The following TOGARAM2 variants were observed in gnomAD, a reference collection of about 807,000 sequenced individuals.
TOGARAM2 encodes TOG array regulator of axonemal microtubules protein 2.
Under a neutral mutation model 93.3 loss-of-function variants are expected in TOGARAM2, and 85 were observed. That is an observed-to-expected ratio of 0.91 (90% confidence interval 0.76 to 1.09). TOGARAM2 has a LOEUF of 1.09. TOGARAM2 is among the 50% of genes least tolerant of loss of function. The pLI is 0.00. For synonymous variants in TOGARAM2, 593 were observed against 552.8 expected, an observed-to-expected ratio of 1.07 and a Z score of -1.02; for missense variants, 1,277 against 1,334.5, an observed-to-expected ratio of 0.96 and a Z score of 0.67.
At chr2:29,034,836 C>A (rs372756856) in intron 16 of TOGARAM2, among the ~76,000 whole-genome samples, 39 of 152,256 alleles carry the variant, frequency 2.6e-4, no homozygotes, top group African/African-American at 8.9e-4. Context: ...CCTCCAAGGT[C>A]TTTCCCCACT....
chr2:28,978,322 A>G (rs371169941), upstream of TOGARAM2, among the ~76,000 whole-genome samples: 1,181 of 130,254 alleles, frequency 9.1e-3, 15 homozygotes, highest in African/African-American at 0.033. Context: ...ATCCCAGAGC[A>G]AGGGGAGAAG....
In TOGARAM2 at chr2:29,017,963, AG is replaced by A; in HGVS notation, c.1360+9del. 1 of 1,592,442 alleles carries A rather than the reference AG, an allele frequency of 6.3e-7. No individual in the cohort carries two copies. The highest frequency in any genetic ancestry group is 1.1e-5 in the South Asian group (1 of 88,286). On this transcript the variant is annotated splice_region_variant and intron_variant, in intron 10 of 19. Coordinates refer to ENST00000379558, the MANE Select transcript of TOGARAM2 (RefSeq NM_199280.4). The stretch of plus-strand genomic sequence containing the variant: ...TTTGCCCGCCACGCCTCAGGTGGGC[AG>A]GCCCGACTGGCAGGCACACGTGTCC...
At chr2:29,012,471 T>A (rs1664315483) in intron 7 of TOGARAM2, among the ~76,000 whole-genome samples, 1 of 152,096 alleles carries the variant, frequency 6.6e-6, no homozygotes, top group Non-Finnish European at 1.5e-5. Context: ...TGTGGCGAAA[T>A]GCACCGGCAC....
chr2:29,007,860 C>G (rs1215532194), intron 6 of TOGARAM2, among the ~76,000 whole-genome samples: 1 of 152,056 alleles, frequency 6.6e-6, no homozygotes. Context: ...TTTCACTCAT[C>G]CATCCATCCA....
chr2:29,007,482 A>G (rs527658137), intron 6 of TOGARAM2, among the ~76,000 whole-genome samples: 1 of 152,082 alleles, frequency 6.6e-6, no homozygotes, highest in Admixed American at 6.6e-5. Context: ...CTTAACAGCC[A>G]TGAAAGCTCC....
chr2:29,040,976 T>A (rs1282425493), intron 18 of TOGARAM2, among the ~76,000 whole-genome samples: 5 of 151,722 alleles, frequency 3.3e-5, no homozygotes, highest in Non-Finnish European at 7.4e-5. Context: ...ATCCTGCTTT[T>A]AAAAAAATCA....
At chr2:28,957,694 A>G (rs950528841) in intron 1 of TOGARAM2, among the ~76,000 whole-genome samples, 50 of 152,182 alleles carry the variant, frequency 3.3e-4, no homozygotes, top group African/African-American at 8.2e-4. Flanking sequence ...GTTTGTTCAC[A>G]TGATACTTAC....
intron 14 of TOGARAM2, among the ~76,000 whole-genome samples, chr2:29,028,626 A>C (rs1342477692): frequency 6.6e-6 from 1 of 152,142 alleles, no homozygotes; most frequent in Non-Finnish European, 1.5e-5. Flanking sequence ...TTATAATTAA[A>C]AAAAAAAGCC....
At position 29,027,007 on chromosome 2, in the gene TOGARAM2, A is replaced by G. The variant is rs745871680; in HGVS notation, c.2008A>G (p.Thr670Ala). ...GCTGGCACAGGACTCCAACCAGGACACCAGGTAGGGCAGGGCCAGGGGCCT... is the reference window on the plus strand; with the variant it reads ...GCTGGCACAGGACTCCAACCAGGACGCCAGGTAGGGCAGGGCCAGGGGCCT... ...VRLAQDSNQD[T>A]RFYGRKMVNI... The change falls in exon 14 of 20, where the codon ACC becomes GCC. Residue 670 changes from threonine to alanine, a missense_variant. Thr to Ala is a moderately conservative substitution (Grantham distance 58). Coordinates refer to ENST00000379558, the MANE Select transcript of TOGARAM2 (RefSeq NM_199280.4). 1.3e-6 allele frequency: 2 copies of G among 1,559,118 alleles called. No homozygotes were observed. The highest frequency in any genetic ancestry group is 1.7e-6 in the Non-Finnish European group (2 of 1,151,250).
In TOGARAM2 at chr2:29,024,693, C is replaced by T. The variant is rs981617468; in HGVS notation, c.1853+319C>T. On this transcript the variant is annotated intron_variant, in intron 13 of 19. Coordinates refer to ENST00000379558, the MANE Select transcript of TOGARAM2 (RefSeq NM_199280.4). The stretch of plus-strand genomic sequence containing the variant: ...GGCCAGGCCGGGGGAATGCAGGGAC[C>T]TCTGGCTGGAAGAGGAGGGGGCCGT... 4.6e-5 allele frequency among the ~76,000 whole-genome samples: 7 copies of T among 152,294 alleles called. No homozygotes were observed. In the South Asian group the frequency reaches 1.4e-3, roughly 32 times the overall value.
At chr2:28,986,342 A>C (rs1290632691) in intron 1 of TOGARAM2, among the ~76,000 whole-genome samples, 1 of 152,122 alleles carries the variant, frequency 6.6e-6, no homozygotes, top group Non-Finnish European at 1.5e-5. Flanking sequence ...GGGATGTTTT[A>C]AATGCTGCGG....
At chr2:28,977,744 G>C (rs561149992), upstream of TOGARAM2, among the ~76,000 whole-genome samples, 5 of 152,114 alleles carry the variant, frequency 3.3e-5, no homozygotes, top group East Asian at 9.7e-4. Context: ...CCAGGAGAGG[G>C]GCGGGCAGTT....
intron 1 of TOGARAM2, among the ~76,000 whole-genome samples, chr2:28,986,817 C>T (rs1370727154): frequency 2.0e-5 from 3 of 152,212 alleles, no homozygotes; most frequent in Non-Finnish European, 2.9e-5. Context: ...CACTGTGGAT[C>T]GAGCCCTTGG....
intron 6 of TOGARAM2, among the ~76,000 whole-genome samples, chr2:29,010,956 G>A (rs1271895529): frequency 1.3e-5 from 2 of 152,118 alleles, no homozygotes; most frequent in Non-Finnish European, 2.9e-5. Flanking sequence ...ACAGCAAAGG[G>A]GATCAGCTCC....
chr2:29,011,323 A>G, intron 6 of TOGARAM2, 132 bp from the exon 7 acceptor site: 1 of 706,378 alleles, frequency 1.4e-6, no homozygotes. Context: ...GAGCCTCTGC[A>G]GGGATAACAG....
chr2:28,958,126 T>C, intron 1 of TOGARAM2, among the ~76,000 whole-genome samples: 1 of 152,142 alleles, frequency 6.6e-6, no homozygotes, highest in East Asian at 1.9e-4. Flanking sequence ...ATAGGTCCGT[T>C]CTAGAAATTT....
chr2:29,009,990 C>T (rs902925264), intron 6 of TOGARAM2, among the ~76,000 whole-genome samples: 13 of 151,282 alleles, frequency 8.6e-5, no homozygotes, highest in Admixed American at 2.6e-4. Context: ...AGAGAAGCTG[C>T]GCCAAGTCCT....
At chr2:28,999,695 C>A (rs1235719115) in intron 4 of TOGARAM2, among the ~76,000 whole-genome samples, 1 of 152,246 alleles carries the variant, frequency 6.6e-6, no homozygotes, top group Non-Finnish European at 1.5e-5. Context: ...TTCATTCCCA[C>A]CCTTGCGCCT....
intron 1 of TOGARAM2, among the ~76,000 whole-genome samples, chr2:28,958,135 T>C (rs1168916004): frequency 6.6e-6 from 1 of 152,120 alleles, no homozygotes; most frequent in Admixed American, 6.5e-5. Flanking sequence ...TTCTAGAAAT[T>C]TGCAACTTGA....
Sources: gnomAD v4.1 joint callset for allele counts (sites outside exome capture counted in the v4.1 genomes callset) on GRCh38, gnomAD v4.1.1 for gene constraint, MANE v1.5 for transcripts, NCBI Gene and HGNC (gene_info 2026-07-23, HGNC 2026-07-21) for gene names.